Variants in LMO3 observed in about 807,000 individuals in gnomAD.
LMO3 encodes LIM domain only 3.
In LMO3, 2 loss-of-function variants were observed where a neutral mutation model predicts 15.8. That is an observed-to-expected ratio of 0.13 (90% CI 0.05 to 0.40). LMO3 has a LOEUF of 0.40. Among genes scored for constraint, LMO3 ranks in the 10% least tolerant of loss-of-function variants. LMO3 has a pLI of 0.99. For synonymous variants in LMO3, 62 were observed against 63.8 expected, an observed-to-expected ratio of 0.97 and a Z score of 0.13; for missense variants, 86 against 182.2, an observed-to-expected ratio of 0.47 and a Z score of 3.04.
intron 2 of LMO3, among the ~76,000 whole-genome samples, chr12:16,572,370 C>A (rs1942845988): frequency 1.3e-5 from 1 of 79,026 alleles, no homozygotes; most frequent in Non-Finnish European, 2.3e-5. Flanking sequence ...TTGTAAAGAG[C>A]TGTTTCTACA....
chr12:16,602,800 GTT>G (rs2137717291), intron 1 of LMO3, among the ~76,000 whole-genome samples: 1 of 152,276 alleles, frequency 6.6e-6, no homozygotes, highest in South Asian at 2.1e-4. Flanking sequence ...CCAAGTGCCT[GTT>G]AACCACATAT....
intron 2 of LMO3, among the ~76,000 whole-genome samples, chr12:16,570,752 A>G (rs1408352906): frequency 1.3e-5 from 2 of 152,200 alleles, no homozygotes; most frequent in East Asian, 3.8e-4. Context: ...ATATCCAGAG[A>G]TTGTGATTTA....
At chr12:16,574,796 GGTGGTAGGTGGCATCCATTCTGTGA>G (rs1218956152) in intron 2 of LMO3, among the ~76,000 whole-genome samples, 1 of 152,160 alleles carries the variant, frequency 6.6e-6, no homozygotes, top group Non-Finnish European at 1.5e-5. Flanking sequence ...CATTTTGAGA[GGTGGTAGGTGGCATCCATTCTGTGA>G]GTGGGGAAAC....
intron 2 of LMO3, among the ~76,000 whole-genome samples, chr12:16,565,727 C>T (rs1377231248): frequency 6.6e-6 from 1 of 151,698 alleles, no homozygotes; most frequent in African/African-American, 2.4e-5. Context: ...AAAAGGAACA[C>T]TGACACTCTG....
At chr12:16,583,814 G>A (rs189583520) in intron 2 of LMO3, among the ~76,000 whole-genome samples, 85 of 152,278 alleles carry the variant, frequency 5.6e-4, no homozygotes, top group African/African-American at 1.9e-3. Flanking sequence ...AGATGGAAGT[G>A]AAGGGGACTT....
Position 16,551,177 on chromosome 12 carries a change from A to C in LMO3, c.*45T>G. On this transcript the variant is annotated 3_prime_UTR_variant, in exon 4 of 4. Coordinates refer to ENST00000537304, the MANE Select transcript of LMO3 (RefSeq NM_018640.5). Reference sequence around the variant, plus strand: ...ATGTACATGTGGAGCAAAAAAGATAAAAGAATGTAGTGCTTTGTATTCTTA... The same window carrying C: ...ATGTACATGTGGAGCAAAAAAGATACAAGAATGTAGTGCTTTGTATTCTTA... 3 of 1,228,072 alleles carry C rather than the reference A, an allele frequency of 2.4e-6. No individual in the cohort carries two copies. The highest frequency in any genetic ancestry group is 3.6e-6 in the Non-Finnish European group (3 of 829,018). 76.1% of individuals were successfully genotyped at this position (1,228,072 alleles called of 1,614,324 possible).
intron 2 of LMO3, among the ~76,000 whole-genome samples, chr12:16,571,834 T>G (rs758574930): frequency 6.6e-6 from 1 of 152,068 alleles, no homozygotes; most frequent in African/African-American, 2.4e-5. Context: ...GTTTTCAGAC[T>G]GAACTTGTAA....
chr12:16,560,435 C>A lies in LMO3; in HGVS notation c.310G>T (p.Ala104Ser). The A allele has an allele frequency of 6.2e-7, 1 of 1,613,674 alleles. No homozygotes were observed. Among genetic ancestry groups the A allele is most frequent in the Non-Finnish European group, 8.5e-7 (1 of 1,179,770 alleles). Residue 104 changes from alanine to serine, a missense_variant, in exon 3 of 4, where the codon GCA (alanine) becomes TCA (serine). Ala to Ser is a moderately conservative substitution (Grantham distance 99, BLOSUM62 1). Coordinates refer to ENST00000537304, the MANE Select transcript of LMO3 (RefSeq NM_018640.5). The surrounding 1 kb of genome is among the most constrained non-coding windows in gnomAD (Gnocchi z 5.0). Reference protein sequence around the residue: ...KDNVYHLDCFACQLCNQRFCV... With the variant: ...KDNVYHLDCFSCQLCNQRFCV... ...TACCTCTGATTACAAAGCTGACATGCAAAGCAGTCCAGGTGGTAAACATTG... is the reference window on the plus strand; with the variant it reads ...TACCTCTGATTACAAAGCTGACATGAAAAGCAGTCCAGGTGGTAAACATTG...
chr12:16,570,820 G>A (rs1942789506), intron 2 of LMO3, among the ~76,000 whole-genome samples: 1 of 152,098 alleles, frequency 6.6e-6, no homozygotes, highest in South Asian at 2.1e-4. Flanking sequence ...CCTTGAATAG[G>A]TAAGGTATTA....
upstream of LMO3, chr12:16,607,481 T>C (rs1944037071): frequency 6.6e-6 from 1 of 151,918 alleles, no homozygotes; most frequent in South Asian, 2.1e-4. Context: ...CCTCTCCTCT[T>C]AACTTTCCTT....
intron 2 of LMO3, among the ~76,000 whole-genome samples, chr12:16,575,264 A>G (rs1942957612): frequency 6.6e-6 from 1 of 152,218 alleles, no homozygotes; most frequent in Non-Finnish European, 1.5e-5. Context: ...TTATCTTCAA[A>G]AATATAGGCA....
rs1943348395 is a variant in LMO3 at position 16,587,230 on chromosome 12, T to G, written c.206+13425A>C. Among the ~76,000 whole-genome samples, 1 of 152,206 alleles carries G rather than the reference T, an allele frequency of 6.6e-6. No individual in the cohort carries two copies. The highest frequency in any genetic ancestry group is 2.4e-5 in the African/African-American group (1 of 41,462). On this transcript the variant is annotated intron_variant, in intron 2 of 3. Transcript: ENST00000537304. The surrounding 1 kb of genome is among the most constrained non-coding windows in gnomAD (Gnocchi z 4.3). ...ATGAAATGAACAAAGTGATTCAGAT[T>G]AAACAGCTCTGACTATCCATTTTAA... is the stretch of plus-strand genomic sequence containing the variant.
chr12:16,566,763 C>T (rs187536684), intron 2 of LMO3, among the ~76,000 whole-genome samples: 51 of 152,144 alleles, frequency 3.4e-4, no homozygotes, highest in Non-Finnish European at 4.7e-4. Context: ...GAAAGTTCAA[C>T]GTATAAATAT....
chr12:16,556,428 G>T (rs1405013220), intron 3 of LMO3, among the ~76,000 whole-genome samples: 1 of 150,918 alleles, frequency 6.6e-6, no homozygotes, highest in Non-Finnish European at 1.5e-5. Flanking sequence ...ATATATAAGG[G>T]ACAATCAATC....
upstream of LMO3, chr12:16,608,563 T>A (rs888158463): frequency 6.6e-6 from 1 of 152,184 alleles, no homozygotes; most frequent in Non-Finnish European, 1.5e-5. The surrounding 1 kb of genome is among the most constrained non-coding windows in gnomAD (Gnocchi z 4.1). Context: ...CATTAACCAC[T>A]TTGTCACCTT....
At chr12:16,562,238 T>TGATCTGCTTAGGA (rs760379451) in intron 2 of LMO3, among the ~76,000 whole-genome samples, 1 of 152,226 alleles carries the variant, frequency 6.6e-6, no homozygotes, top group African/African-American at 2.4e-5. Flanking sequence ...GTACTTAACA[T>TGATCTGCTTAGGA]GATCTGCTTA....
At chr12:16,575,438 C>T (rs1231523802) in intron 2 of LMO3, among the ~76,000 whole-genome samples, 1 of 152,160 alleles carries the variant, frequency 6.6e-6, no homozygotes, top group South Asian at 2.1e-4. Context: ...CATCTGAAAT[C>T]AATATCAATA....
chr12:16,591,055 A>G lies in LMO3; in HGVS notation c.206+9600T>C, dbSNP rs1321641143. On this transcript the variant is annotated intron_variant, in intron 2 of 3. Transcript: ENST00000537304. This position sits in a 1 kb window ranked among gnomAD's most constrained non-coding sequence, Gnocchi z 4.1. ...ACTGCCTCACTGAATAAGCTTTACA[A>G]TGGTTTTCAAATTGAAGTATTATCA... Among the ~76,000 whole-genome samples the G allele has an allele frequency of 1.3e-5, 2 of 152,072 alleles. No homozygotes were observed. Among genetic ancestry groups the G allele is most frequent in the Non-Finnish European group, 2.9e-5 (2 of 67,984 alleles).
chr12:16,607,166 C>T (rs927084148), upstream of LMO3: 1 of 79,124 alleles, frequency 1.3e-5, no homozygotes, highest in Non-Finnish European at 2.8e-5. Flanking sequence ...CACTCTCCTT[C>T]CTCCCTTCCT....
Sources: gnomAD v4.1 joint callset for allele counts (sites outside exome capture counted in the v4.1 genomes callset) on GRCh38, gnomAD v4.1.1 for gene constraint, Gnocchi (gnomAD v3.1) non-coding constraint, MANE v1.5 for transcripts, NCBI Gene and HGNC (gene_info 2026-07-23, HGNC 2026-07-21) for gene names.